Variants in GRM5 observed in about 807,000 individuals in gnomAD.
GRM5 encodes the protein metabotropic glutamate receptor 5.
GRM5 carries 19 observed loss-of-function variants against 83.1 expected under a neutral mutation model. The observed-to-expected ratio is 0.23, with a 90% confidence interval of 0.16 to 0.34. GRM5 has a LOEUF of 0.34. Among genes scored for constraint, GRM5 ranks in the 10% least tolerant of loss-of-function variants. The pLI is 1.00. For synonymous variants in GRM5, 675 were observed against 633.6 expected, an observed-to-expected ratio of 1.07 and a Z score of -0.98; for missense variants, 1,160 against 1,588.3, an observed-to-expected ratio of 0.73 and a Z score of 4.58.
intron 3 of GRM5, among the ~76,000 whole-genome samples, chr11:88,803,745 G>C (rs11021369): frequency 0.39 from 59,792 of 151,488 alleles, 14,913 homozygotes; most frequent in African/African-American, 0.69. Flanking sequence ...AGAGTGAACA[G>C]GCAACCTACA....
chr11:88,749,446 AAAGACTAAACTTAT>A (rs1942217315), intron 3 of GRM5, among the ~76,000 whole-genome samples: 1 of 152,216 alleles, frequency 6.6e-6, no homozygotes, highest in South Asian at 2.1e-4. Flanking sequence ...GATTATGTAA[AAAGACTAAACTTAT>A]GACAGATTGG....
intron 3 of GRM5, among the ~76,000 whole-genome samples, chr11:88,681,948 C>T (rs1462252087): frequency 6.6e-6 from 1 of 152,072 alleles, no homozygotes; most frequent in Non-Finnish European, 1.5e-5. Flanking sequence ...CCTTGTCCTA[C>T]TCATTAAATG....
chr11:88,795,210 AC>A (rs1367036089), intron 3 of GRM5, among the ~76,000 whole-genome samples: 1 of 152,230 alleles, frequency 6.6e-6, no homozygotes, highest in Non-Finnish European at 1.5e-5. Context: ...CCTTTAATTC[AC>A]AAGCGAGAAA....
chr11:88,536,623 A>G (rs796628606), intron 8 of GRM5, among the ~76,000 whole-genome samples: 16 of 152,288 alleles, frequency 1.1e-4, no homozygotes, highest in African/African-American at 3.4e-4. Flanking sequence ...TTCCTTGAAC[A>G]CCAGCCAAGA....
chr11:88,987,631 C>T (rs371880892), intron 2 of GRM5, among the ~76,000 whole-genome samples: 7 of 152,030 alleles, frequency 4.6e-5, no homozygotes, highest in Admixed American at 6.5e-5. Flanking sequence ...TTGAAGAGAG[C>T]AGTGGTTCTC....
At chr11:89,052,513 A>G (rs1941781909) in intron 1 of GRM5, among the ~76,000 whole-genome samples, 1 of 152,206 alleles carries the variant, frequency 6.6e-6, no homozygotes, top group African/African-American at 2.4e-5. Context: ...CATGGAAGAT[A>G]CTATATTCCA....
chr11:88,643,187 A>C (rs1484955039), intron 4 of GRM5, among the ~76,000 whole-genome samples: 2 of 152,108 alleles, frequency 1.3e-5, no homozygotes, highest in African/African-American at 4.8e-5. Context: ...GCTTTTACTC[A>C]TTGCAGAAGG....
intron 4 of GRM5, among the ~76,000 whole-genome samples, chr11:88,628,509 C>T (rs1184034970): frequency 6.6e-6 from 1 of 152,194 alleles, no homozygotes; most frequent in East Asian, 1.9e-4. Context: ...TTGAGCTGAT[C>T]AGTAAAATGT....
intron 2 of GRM5, among the ~76,000 whole-genome samples, chr11:89,040,366 AAAC>A (rs1941501113): frequency 6.6e-6 from 1 of 152,174 alleles, no homozygotes; most frequent in African/African-American, 2.4e-5. Flanking sequence ...AAACAAAACA[AAAC>A]AAAAACGCTT....
chr11:88,553,106 A>G (rs1322533264), intron 8 of GRM5, among the ~76,000 whole-genome samples: 2 of 152,170 alleles, frequency 1.3e-5, no homozygotes, highest in Non-Finnish European at 2.9e-5. Context: ...CATTTTAAAC[A>G]TTCTTTAGAT....
intron 3 of GRM5, among the ~76,000 whole-genome samples, chr11:88,799,695 C>T (rs1471579695): frequency 2.0e-5 from 3 of 152,184 alleles, no homozygotes; most frequent in African/African-American, 4.8e-5. Context: ...CCCCCAGTCT[C>T]GAGTTTCCCT....
chr11:88,746,063 T>A (rs1942132213), intron 3 of GRM5, among the ~76,000 whole-genome samples: 1 of 152,154 alleles, frequency 6.6e-6, no homozygotes, highest in Non-Finnish European at 1.5e-5. Context: ...TAAATGTTGA[T>A]CATTATAGCC....
At chr11:88,878,155 C>T (rs1450756171) in intron 2 of GRM5, among the ~76,000 whole-genome samples, 1 of 152,066 alleles carries the variant, frequency 6.6e-6, no homozygotes. Context: ...ATAAAATTGC[C>T]AAATTTGGAA....
At chr11:88,859,201 G>A (rs1944523752) in intron 2 of GRM5, among the ~76,000 whole-genome samples, 1 of 152,044 alleles carries the variant, frequency 6.6e-6, no homozygotes. Context: ...TAAAAAAAGT[G>A]AAGACAATAT....
chr11:88,664,223 G>A (rs1038074012), intron 3 of GRM5, among the ~76,000 whole-genome samples: 1 of 151,684 alleles, frequency 6.6e-6, no homozygotes, highest in African/African-American at 2.4e-5. Context: ...ATTGTCCTAA[G>A]CAATATATGC....
intron 2 of GRM5, among the ~76,000 whole-genome samples, chr11:88,861,547 C>T (rs916136004): frequency 6.6e-6 from 1 of 152,102 alleles, no homozygotes; most frequent in Non-Finnish European, 1.5e-5. Context: ...CTCACTGCAG[C>T]CTCAACTTTC....
intron 1 of GRM5, among the ~76,000 whole-genome samples, chr11:89,053,240 CT>C (rs1941796851): frequency 6.6e-6 from 1 of 151,986 alleles, no homozygotes; most frequent in Non-Finnish European, 1.5e-5. Context: ...TTTACATTGC[CT>C]GAATATCCAC....
At chr11:88,884,833 C>T (rs1395670071) in intron 2 of GRM5, among the ~76,000 whole-genome samples, 2 of 152,186 alleles carry the variant, frequency 1.3e-5, no homozygotes, top group African/African-American at 4.8e-5. Context: ...TGCTCCTCCT[C>T]TGCTTTCCGC....
At position 88,610,644 on chromosome 11, in the gene GRM5, T is replaced by A. The variant is rs992051152; in HGVS notation, c.1148-5680A>T. Among the ~76,000 whole-genome samples, 3 of 152,224 alleles carry A rather than the reference T, an allele frequency of 2.0e-5. No individual in the cohort carries two copies. The East Asian group carries it at 5.8e-4, about 29-fold the overall frequency. ...TGCAATCTATGGGGTTTTCTTGGTA[T>A]AGATTCATATCGTCTGCAAAAAGAA... is the stretch of plus-strand genomic sequence containing the variant. On this transcript the variant is annotated intron_variant, in intron 4 of 9. Transcript: ENST00000305447.
Sources: allele counts gnomAD v4.1 joint callset (sites outside exome capture counted in the v4.1 genomes callset), GRCh38; gene constraint gnomAD v4.1.1; transcripts MANE v1.5; gene names NCBI Gene and HGNC (gene_info 2026-07-23, HGNC 2026-07-21).